PIK3C3: variants seen among roughly 807,000 people sequenced by gnomAD.
The protein encoded by PIK3C3 is PI3-kinase type 3.
In PIK3C3, 95 loss-of-function variants were observed where a neutral mutation model predicts 126.1. The observed-to-expected ratio is 0.75, with a 90% CI of 0.64 to 0.89. The LOEUF is 0.89. Ranked by LOEUF, PIK3C3 falls within the 40% of genes least tolerant of loss-of-function variation. The pLI is 0.00. For missense variants in PIK3C3, 829 were observed against 1,063.2 expected, an observed-to-expected ratio of 0.78 and a Z score of 3.06; for synonymous variants, 374 against 360.0, an observed-to-expected ratio of 1.04 and a Z score of -0.44.
rs1264215601 is a variant in PIK3C3, at chr18:41,995,904, G to A, written c.801G>A (p.Glu267=). The A allele has an allele frequency of 6.2e-7, 1 of 1,611,420 alleles. No individual in the cohort carries two copies. The highest frequency in any genetic ancestry group is 8.5e-7 in the Non-Finnish European group (1 of 1,177,952). Residue 267 remains glutamate, a synonymous_variant, in exon 8 of 25, where the codon GAG becomes GAA. Coordinates refer to ENST00000262039, the MANE Select transcript of PIK3C3 (RefSeq NM_002647.4). ...DPQMSMENLV[E]SKHHKLARSL... The stretch of plus-strand genomic sequence containing the variant: ...ATAATTTGTAGGAGAATTTAGTTGA[G>A]AGCAAACACCACAAGCTTGCCCGGA...
At chr18:41,987,519 A>ATACAAATTT (rs1981543805) in intron 4 of PIK3C3, among the ~76,000 whole-genome samples, 1 of 152,108 alleles carries the variant, frequency 6.6e-6, no homozygotes, top group Admixed American at 6.6e-5. Context: ...TCTTTGTAAT[A>ATACAAATTT]GTCAAAATAC....
intron 22 of PIK3C3, among the ~76,000 whole-genome samples, chr18:42,062,693 A>G (rs1291953753): frequency 6.6e-6 from 1 of 151,858 alleles, no homozygotes; most frequent in Non-Finnish European, 1.5e-5. Context: ...ACTTTAAACT[A>G]ATATCACTAG....
intron 16 of PIK3C3, among the ~76,000 whole-genome samples, chr18:42,034,738 ATGG>A (rs1983973114): frequency 6.6e-6 from 1 of 152,200 alleles, no homozygotes; most frequent in South Asian, 2.1e-4. Context: ...TTTGTGAGAC[ATGG>A]TGCTTTATGT....
At chr18:42,000,090 G>A (rs1329178993) in intron 9 of PIK3C3, among the ~76,000 whole-genome samples, 1 of 152,146 alleles carries the variant, frequency 6.6e-6, no homozygotes, top group East Asian at 1.9e-4. Flanking sequence ...TTTCACTCTT[G>A]TTGCCCAGGC....
At chr18:41,984,545 T>C (rs1981371210) in intron 4 of PIK3C3, among the ~76,000 whole-genome samples, 1 of 152,168 alleles carries the variant, frequency 6.6e-6, no homozygotes, top group South Asian at 2.1e-4. Flanking sequence ...CAGAAGAGAC[T>C]GTGTTAGCTG....
intron 19 of PIK3C3, 65 bp downstream of exon 19, chr18:42,040,806 A>T: frequency 9.4e-7 from 1 of 1,064,306 alleles, no homozygotes. Context: ...TTCAGTCTTT[A>T]TAACATAGAG....
At chr18:42,057,824 C>G in intron 21 of PIK3C3, 59 bp from the exon 22 acceptor site, 1 of 1,455,966 alleles carries the variant, frequency 6.9e-7, no homozygotes, top group Non-Finnish European at 9.6e-7. Flanking sequence ...TGTGACATAT[C>G]ACCTACCCAG....
chr18:42,032,649 T>TTTAG (rs1983882046), intron 15 of PIK3C3, among the ~76,000 whole-genome samples: 1 of 150,592 alleles, frequency 6.6e-6, no homozygotes, highest in African/African-American at 2.4e-5. Context: ...TATTTATTTA[T>TTTAG]TTATTTATTT....
At chr18:42,043,960 A>T (rs1344060861) in intron 20 of PIK3C3, 143 bp downstream of exon 20, 1 of 554,766 alleles carries the variant, frequency 1.8e-6, no homozygotes, top group Middle Eastern at 2.8e-4. Context: ...TGATTAAAGT[A>T]GTCATTGATG....
chr18:42,066,972 C>T (rs956899066), intron 23 of PIK3C3, among the ~76,000 whole-genome samples: 12 of 151,892 alleles, frequency 7.9e-5, no homozygotes, highest in Non-Finnish European at 1.8e-4. Flanking sequence ...TCTCACCTTG[C>T]TTCATCCAAT....
Position 42,082,457 on chromosome 18 carries a change from G to T in PIK3C3, c.*1320G>T, listed in dbSNP as rs150269256. 3.9e-5 allele frequency: 6 copies of T among 152,168 alleles called. No homozygotes were observed. Among genetic ancestry groups the T allele is most frequent in the African/African-American group, 1.2e-4 (5 of 41,446 alleles). The allele number at this position is 152,168 out of a possible 1,614,324, so 9.4% of individuals were successfully genotyped here. ...AACATACCTGCTGATTAGAAAAATGGTAAAAATGAAAATACCTTTGTACAT... is the reference window on the plus strand; with the variant it reads ...AACATACCTGCTGATTAGAAAAATGTTAAAAATGAAAATACCTTTGTACAT... On this transcript the variant is annotated 3_prime_UTR_variant, in exon 25 of 25. Transcript: ENST00000262039.
In PIK3C3 at chr18:42,028,911, T is replaced by C. The variant is rs574161195; in HGVS notation, c.1591-414T>C. On this transcript the variant is annotated intron_variant, in intron 14 of 24. Transcript: ENST00000262039. ...GAAGTTTTCTTTTTTTAAAAGTTGA[T>C]TTTTAGTTCCTTGAAGATCTATATC... Among the ~76,000 whole-genome samples the C allele has an allele frequency of 3.9e-5, 6 of 152,352 alleles. No individual in the cohort carries two copies. In the South Asian group the frequency reaches 1.2e-3, roughly 32 times the overall value.
chr18:41,961,046 C>A (rs11876578), intron 2 of PIK3C3, among the ~76,000 whole-genome samples: 5,839 of 152,060 alleles, frequency 0.038, 355 homozygotes, highest in African/African-American at 0.13. Context: ...GCAGAAGCCT[C>A]GTATATAAAA....
chr18:41,962,602 G>T lies in PIK3C3; in HGVS notation c.371G>T (p.Gly124Val), dbSNP rs755818214. The change falls in exon 3 of 25, where the codon GGA (glycine) becomes GTA (valine). Residue 124 changes from glycine to valine, a missense_variant. By Grantham distance (109) the Gly-to-Val change is moderately radical (BLOSUM62 -3). Around this residue, in one of 4 missense-constraint regions of PIK3C3, gnomAD observed 313 missense variants for 340.7 expected, o/e 0.92. Coordinates refer to ENST00000262039, the MANE Select transcript of PIK3C3 (RefSeq NM_002647.4). ...CCCGGAAAAGCAGTGCCTGTAGGAG[G>T]AACAACGGTTTCGCTCTTTGGAAAA... ...YGPGKAVPVG[G>V]TTVSLFGKYG... 1 of 1,611,828 alleles carries T rather than the reference G, an allele frequency of 6.2e-7. No homozygotes were observed. Among genetic ancestry groups the T allele is most frequent in the South Asian group, 1.1e-5 (1 of 90,834 alleles).
At chr18:41,956,125 C>G (rs368496747) in intron 1 of PIK3C3, among the ~76,000 whole-genome samples, 145 of 152,178 alleles carry the variant, frequency 9.5e-4, no homozygotes, top group African/African-American at 3.4e-3. Context: ...AATTATTGAC[C>G]ATAGCATCAT....
At chr18:41,993,387 T>A in intron 7 of PIK3C3, 46 bp downstream of exon 7, 1 of 1,210,222 alleles carries the variant, frequency 8.3e-7, no homozygotes, top group Non-Finnish European at 1.2e-6. Context: ...TTCTTCAGAG[T>A]AATTGTGAGT....
intron 22 of PIK3C3, among the ~76,000 whole-genome samples, chr18:42,060,319 A>G (rs1277132752): frequency 2.6e-5 from 4 of 152,230 alleles, no homozygotes; most frequent in Non-Finnish European, 5.9e-5. Flanking sequence ...GAACTTAGTT[A>G]TAAATGGTTA....
chr18:42,020,240 T>A (rs1416243965), intron 12 of PIK3C3, among the ~76,000 whole-genome samples: 1 of 152,186 alleles, frequency 6.6e-6, no homozygotes. Flanking sequence ...GTGTTCACTA[T>A]ATTTTATTTA....
intron 18 of PIK3C3, among the ~76,000 whole-genome samples, chr18:42,039,662 A>G (rs1984215441): frequency 6.6e-6 from 1 of 152,134 alleles, no homozygotes; most frequent in African/African-American, 2.4e-5. Flanking sequence ...ATGGCCTATT[A>G]ATTTTATTAT....
Sources: gnomAD v4.1 joint callset for allele counts (sites outside exome capture counted in the v4.1 genomes callset) on GRCh38, gnomAD v4.1.1 for gene constraint, gnomAD v4.1.1 regional missense constraint, MANE v1.5 for transcripts, NCBI Gene and HGNC (gene_info 2026-07-23, HGNC 2026-07-21) for gene names.